Variants in JMJD6 observed in about 807,000 individuals in gnomAD.
JMJD6 encodes bifunctional arginine demethylase and lysyl-hydroxylase JMJD6.
JMJD6 carries 17 observed loss-of-function variants against 45.8 expected under a neutral mutation model. The ratio of observed to expected loss-of-function variants is 0.37; its 90% CI spans 0.25 to 0.56. The LOEUF (loss-of-function observed/expected upper bound fraction) is 0.56. JMJD6 is among the 20% of genes least tolerant of loss of function. The probability of loss-of-function intolerance (pLI) is 0.79; values close to 1 mark genes in which losing one functional copy is unlikely to be tolerated. For missense variants in JMJD6, 470 were observed against 517.5 expected, an observed-to-expected ratio of 0.91 and a Z score of 0.89; for synonymous variants, 221 against 196.3, an observed-to-expected ratio of 1.13 and a Z score of -1.05.
chr17:76,718,004 A>T (rs1055462946), downstream of JMJD6, among the ~76,000 whole-genome samples: 2 of 145,322 alleles, frequency 1.4e-5, no homozygotes, highest in Non-Finnish European at 3.0e-5. Context: ...AAAAAATAAT[A>T]AAAAAAAAAT....
rs756152063 is a variant in JMJD6 at position 76,718,835 on chromosome 17, C to A, written c.1106G>T (p.Gly369Val). Residue 369 changes from glycine to valine, a missense_variant, in exon 6 of 6, where the codon GGG (glycine) becomes GTG (valine). Gly to Val is a moderately radical substitution (Grantham distance 109, BLOSUM62 -3). Around this residue, in one of 4 missense-constraint regions of JMJD6, gnomAD observed 45 missense variants for 37.2 expected, o/e 1.21. Coordinates refer to ENST00000397625, the MANE Select transcript of JMJD6 (RefSeq NM_015167.3). ...CCTCTTCTTCCTGCGGTGCACTGTC[C>A]CATCGCCCTCGGATCCAGACTCGCA... ...SECESGSEGD[G>V]TVHRRKKRRT... 8.7e-6 allele frequency: 14 copies of A among 1,614,152 alleles called. No homozygotes were observed. The highest frequency in any genetic ancestry group is 1.2e-5 in the Non-Finnish European group (14 of 1,180,018).
chr17:76,725,598 G>A lies in JMJD6; in HGVS notation c.387C>T (p.Pro129=), dbSNP rs375672370. ...CATAGCTGCTGTCAAAGATGTAAAGGGGACTATCATCTCGAGTGCTCTCCA... is the reference window on the plus strand; with the variant it reads ...CATAGCTGCTGTCAAAGATGTAAAGAGGACTATCATCTCGAGTGCTCTCCA... ...EYMESTRDDS[P]LYIFDSSYGE... is the part of the protein sequence containing the mutation. The change falls in exon 2 of 6, where the codon CCC becomes CCT. Residue 129 remains proline, a synonymous_variant. Transcript: ENST00000397625. The A allele has an allele frequency of 3.5e-5, 56 of 1,613,840 alleles. No homozygotes were observed. Among genetic ancestry groups the A allele is most frequent in the Admixed American group, 6.7e-5 (4 of 59,980 alleles).
chr17:76,723,441 T>C (rs1304194186), intron 3 of JMJD6, among the ~76,000 whole-genome samples: 1 of 32,932 alleles, frequency 3.0e-5, no homozygotes, highest in Non-Finnish European at 5.5e-5. Context: ...AAGAATGTAC[T>C]TTCTTTTTTT....
rs775143530 is a variant in JMJD6 at position 76,726,524 on chromosome 17, T to C, written c.-49A>G. On this transcript the variant is annotated 5_prime_UTR_variant, in exon 1 of 6. Coordinates refer to ENST00000397625, the MANE Select transcript of JMJD6 (RefSeq NM_015167.3). Reference sequence around the variant, plus strand: ...CGCTACGACCTCGGCGCAGCCCGCTTCCTGACACTAACGCACCCCTCCCCG... The same window carrying C: ...CGCTACGACCTCGGCGCAGCCCGCTCCCTGACACTAACGCACCCCTCCCCG... The C allele has an allele frequency of 1.3e-6, 2 of 1,556,390 alleles. No homozygotes were observed. The highest frequency in any genetic ancestry group is 1.7e-6 in the Non-Finnish European group (2 of 1,153,708).
At chr17:76,715,440 C>A (rs1028306985), downstream of JMJD6, 2 of 152,242 alleles carry the variant, frequency 1.3e-5, no homozygotes, top group Non-Finnish European at 2.9e-5. Flanking sequence ...AGAGAACCAG[C>A]CTCCTAGAGT....
At chr17:76,724,268 C>G (rs866488741) in intron 2 of JMJD6, among the ~76,000 whole-genome samples, 6 of 151,856 alleles carry the variant, frequency 4.0e-5, no homozygotes, top group Non-Finnish European at 8.8e-5. Context: ...ATTACCGACG[C>G]ACACCACCAC....
rs374147284 is a variant in JMJD6, at chr17:76,721,760, T to C, written c.941+38A>G. On this transcript the variant is annotated intron_variant, in intron 4 of 5. Transcript: ENST00000397625. ...AGCCATTTTATCTCTGGGGTCGAAA[T>C]TGAAACCAAGCAGAAATAAGAAAAA... is the stretch of plus-strand genomic sequence containing the variant. 3.1e-5 allele frequency: 50 copies of C among 1,606,518 alleles called. No individual in the cohort carries two copies. In the African/African-American group the frequency reaches 4.3e-4, roughly 14 times the overall value.
At chr17:76,722,067 C>T in intron 3 of JMJD6, 134 bp from the exon 4 acceptor site, 1 of 939,848 alleles carries the variant, frequency 1.1e-6, no homozygotes, top group Non-Finnish European at 1.6e-6. Context: ...GTAGTTCCTT[C>T]TGATCCAGGG....
chr17:76,724,072 A>G lies in JMJD6; in HGVS notation c.519-14T>C, dbSNP rs371727005. 6.2e-7 allele frequency: 1 copy of G among 1,611,164 alleles called. No homozygotes were observed. Among genetic ancestry groups the G allele is most frequent in the African/African-American group, 1.3e-5 (1 of 74,824 alleles). On this transcript the variant is annotated splice_polypyrimidine_tract_variant and intron_variant, in intron 2 of 5. Coordinates refer to ENST00000397625, the MANE Select transcript of JMJD6 (RefSeq NM_015167.3). ...ATCACAAACCACCTACAGAATGGAG[A>G]TATCCAAGATGTGAAGTGTAATTTA...
At chr17:76,724,158 T>C in intron 2 of JMJD6, 100 bp from the exon 3 acceptor site, 1 of 1,318,798 alleles carries the variant, frequency 7.6e-7, no homozygotes, top group Non-Finnish European at 1.1e-6. Context: ...TCTTGCTCTA[T>C]CACCCAGGCT....
chr17:76,724,071 G>T lies in JMJD6; in HGVS notation c.519-13C>A. 2 of 1,611,204 alleles carry T rather than the reference G, an allele frequency of 1.2e-6. No individual in the cohort carries two copies. The highest frequency in any genetic ancestry group is 1.7e-6 in the Non-Finnish European group (2 of 1,177,758). The stretch of plus-strand genomic sequence containing the variant: ...CATCACAAACCACCTACAGAATGGA[G>T]ATATCCAAGATGTGAAGTGTAATTT... On this transcript the variant is annotated splice_polypyrimidine_tract_variant and intron_variant, in intron 2 of 5. Coordinates refer to ENST00000397625, the MANE Select transcript of JMJD6 (RefSeq NM_015167.3).
chr17:76,725,293 A>AGGAGG (rs1415416177), intron 2 of JMJD6, among the ~76,000 whole-genome samples, 174 bp downstream of exon 2: 3 of 150,338 alleles, frequency 2.0e-5, no homozygotes, highest in Non-Finnish European at 4.4e-5. Flanking sequence ...CTGTAATCCC[A>AGGAGG]GTTACAGGAG....
Position 76,723,781 on chromosome 17 carries a change from A to C in JMJD6, c.796T>G (p.Phe266Val). The C allele has an allele frequency of 1.9e-6, 3 of 1,614,046 alleles. No individual in the cohort carries two copies. In the South Asian group the frequency reaches 3.3e-5, roughly 18 times the overall value. ...EILQKPGETVFVPGGWWHVVL... is the reference protein window; with the variant it reads ...EILQKPGETVVVPGGWWHVVL... ...TCCAGTTCATCTATACCTGGTACAA[A>C]GACAGTCTCTCCTGGTTTTTGTAAG... is the stretch of plus-strand genomic sequence containing the variant. The change falls in exon 3 of 6, where the codon TTT (phenylalanine) becomes GTT (valine). Residue 266 changes from phenylalanine to valine, a missense_variant. By Grantham distance (50) the Phe-to-Val change is conservative (BLOSUM62 -1). Transcript: ENST00000397625.
chr17:76,722,714 C>T (rs998859857), intron 3 of JMJD6, among the ~76,000 whole-genome samples: 5 of 151,614 alleles, frequency 3.3e-5, no homozygotes, highest in African/African-American at 1.2e-4. Context: ...GGTGTGGCGG[C>T]ATGTGCCTGT....
In JMJD6 at chr17:76,720,100, G is replaced by A. The variant is rs377438495; in HGVS notation, c.1080+260C>T. ...GCAGAGGTTACAGTGAGCCGAGATC[G>A]CGCCATTGCACTCCAGCCTGGGCAA... is the stretch of plus-strand genomic sequence containing the variant. On this transcript the variant is annotated intron_variant, in intron 5 of 5. Transcript: ENST00000397625. Among the ~76,000 whole-genome samples, 47 of 152,294 alleles carry A rather than the reference G, an allele frequency of 3.1e-4. No homozygotes were observed. The East Asian group carries it at 6.8e-3, about 22-fold the overall frequency.
chr17:76,721,739 A>T, intron 4 of JMJD6, 59 bp downstream of exon 4: 1 of 1,573,874 alleles, frequency 6.4e-7, no homozygotes. Context: ...TGGACTAGCC[A>T]TTTTATCTCT....
rs188615401 is a variant in JMJD6 at position 76,721,721 on chromosome 17, C to T, written c.941+77G>A. ...CCTGTGTACGATCAGCACACATCATCGCAGCAGTGGACTAGCCATTTTATC... is the reference window on the plus strand; with the variant it reads ...CCTGTGTACGATCAGCACACATCATTGCAGCAGTGGACTAGCCATTTTATC... On this transcript the variant is annotated intron_variant, in intron 4 of 5. Coordinates refer to ENST00000397625, the MANE Select transcript of JMJD6 (RefSeq NM_015167.3). 1.1e-4 allele frequency: 165 copies of T among 1,464,414 alleles called. No homozygotes were observed. The African/African-American group carries it at 1.4e-3, about 12-fold the overall frequency. The allele number at this position is 1,464,414 out of a possible 1,614,324, so 90.7% of individuals were successfully genotyped here. A position where few individuals can be genotyped will look rare whatever the true frequency, so the allele number is the denominator to read the frequency against.
In JMJD6 at chr17:76,726,353, G is replaced by A. The variant is rs747928309; in HGVS notation, c.123C>T (p.Ala41=). 6.3e-7 allele frequency: 1 copy of A among 1,582,684 alleles called. No homozygotes were observed. Among genetic ancestry groups the A allele is most frequent in the Non-Finnish European group, 8.6e-7 (1 of 1,167,482 alleles). The change falls in exon 1 of 6, where the codon GCC becomes GCT. Residue 41 remains alanine (A), a synonymous_variant. Transcript: ENST00000397625. ...YYESFSLSPA[A]VADNVERADA... ...CCCCGCCCGACCCGCTCACCGCCAC[G>A]GCCGCCGGGCTCAGCGAGAAGCTCT... is the stretch of plus-strand genomic sequence containing the variant.
Position 76,723,850 on chromosome 17 carries a change from T to C in JMJD6, c.727A>G (p.Thr243Ala), listed in dbSNP as rs768052141. Residue 243 changes from threonine (T) to alanine (A), a missense_variant, in exon 3 of 6, where the codon ACA (threonine) becomes GCA (alanine). Transcript: ENST00000397625. ...TCAGGTGGCCAGGTTGGAAGCTGTG[T>C]CCGGGGATAAATAACATTAAACCAG... ...ITWFNVIYPR[T>A]QLPTWPPEFK... 1 of 1,614,192 alleles carries C rather than the reference T, an allele frequency of 6.2e-7. No individual in the cohort carries two copies. Among genetic ancestry groups the C allele is most frequent in the Admixed American group, 1.7e-5 (1 of 60,012 alleles).
Sources: gnomAD v4.1 joint callset for allele counts (sites outside exome capture counted in the v4.1 genomes callset) on GRCh38, gnomAD v4.1.1 for gene constraint, gnomAD v4.1.1 regional missense constraint, MANE v1.5 for transcripts, NCBI Gene and HGNC (gene_info 2026-07-23, HGNC 2026-07-21) for gene names.